The following ANK3 variants were observed in gnomAD, a reference collection of about 807,000 sequenced individuals.
ANK3 encodes ankyrin 3.
ANK3 carries 57 observed loss-of-function variants against 370.9 expected under a neutral mutation model. The observed-to-expected ratio is 0.15, with a 90% confidence interval of 0.12 to 0.19. The LOEUF (loss-of-function observed/expected upper bound fraction) is 0.19. ANK3 is among the 10% of genes least tolerant of loss of function. The probability of loss-of-function intolerance (pLI) is 1.00; values close to 1 mark genes in which losing one functional copy is unlikely to be tolerated. For missense variants in ANK3, 4,439 were observed against 5,302.1 expected, an observed-to-expected ratio of 0.84 and a Z score of 5.06; for synonymous variants, 1,929 against 1,946.3, an observed-to-expected ratio of 0.99 and a Z score of 0.23.
At chr10:60,705,461 T>C (rs187972420) in intron 1 of ANK3, among the ~76,000 whole-genome samples, 328 of 152,308 alleles carry the variant, frequency 2.2e-3, no homozygotes, top group Admixed American at 4.3e-3. Context: ...TGATTTAAGA[T>C]ATAGGAAATT....
chr10:60,268,619 A>C (rs1429278534), intron 5 of ANK3, among the ~76,000 whole-genome samples: 2 of 151,858 alleles, frequency 1.3e-5, no homozygotes, highest in African/African-American at 4.8e-5. Context: ...CCTAATGCAA[A>C]CATATCTATA....
chr10:60,293,166 T>A (rs2041813185), intron 1 of ANK3, among the ~76,000 whole-genome samples: 1 of 152,250 alleles, frequency 6.6e-6, no homozygotes, highest in Non-Finnish European at 1.5e-5. Context: ...TGATGCATAA[T>A]CTATTCTTCC....
chr10:60,298,617 G>A (rs1593269174), intron 1 of ANK3, among the ~76,000 whole-genome samples: 1 of 152,090 alleles, frequency 6.6e-6, no homozygotes, highest in African/African-American at 2.4e-5. Flanking sequence ...TTTATTACAC[G>A]TTTTTTCAAA....
intron 29 of ANK3, 51 bp downstream of exon 29, chr10:60,088,096 C>T: frequency 1.4e-6 from 2 of 1,468,236 alleles, no homozygotes; most frequent in Non-Finnish European, 1.9e-6. Context: ...AAAACATGCA[C>T]TCACATGCTC....
chr10:60,535,158 T>C (rs1282396443), intron 2 of ANK3, among the ~76,000 whole-genome samples: 1 of 152,150 alleles, frequency 6.6e-6, no homozygotes, highest in East Asian at 1.9e-4. Context: ...CCTTAAATCA[T>C]AGCACTTGTA....
rs571627607 is a variant in ANK3 at position 60,268,086 on chromosome 10, T to C, written c.513+2045A>G. On this transcript the variant is annotated intron_variant, in intron 5 of 43. Transcript: ENST00000280772. ...ACTCACAGGTGCAACCACAGAGCAC[T>C]GTATCCTCAAACTTCTAGGCTCAAG... Among the ~76,000 whole-genome samples, 3 of 152,290 alleles carry C rather than the reference T, an allele frequency of 2.0e-5. No individual in the cohort carries two copies. In the South Asian group the frequency reaches 6.2e-4, roughly 32 times the overall value.
At chr10:60,658,591 T>C (rs1313892964) in intron 1 of ANK3, among the ~76,000 whole-genome samples, 1 of 152,154 alleles carries the variant, frequency 6.6e-6, no homozygotes, top group African/African-American at 2.4e-5. Flanking sequence ...GCTTTCGTAT[T>C]TACCCACATA....
chr10:60,132,182 T>C (rs576487576), intron 25 of ANK3, among the ~76,000 whole-genome samples: 22 of 152,286 alleles, frequency 1.4e-4, no homozygotes, highest in African/African-American at 5.1e-4. Flanking sequence ...CAAGACTTAG[T>C]TTCATTATTT....
intron 1 of ANK3, among the ~76,000 whole-genome samples, chr10:60,363,907 A>G (rs7917112): frequency 0.48 from 72,564 of 151,056 alleles, 18,548 homozygotes; most frequent in South Asian, 0.61. Context: ...GGATTAATTT[A>G]TTTTTAAGCT....
At chr10:60,361,009 G>A (rs986689798) in intron 1 of ANK3, among the ~76,000 whole-genome samples, 1 of 152,102 alleles carries the variant, frequency 6.6e-6, no homozygotes, top group African/African-American at 2.4e-5. Flanking sequence ...CAATAGACCA[G>A]ATAGATTTTC....
At chr10:60,454,402 C>T (rs535619125) in intron 2 of ANK3, among the ~76,000 whole-genome samples, 2 of 152,136 alleles carry the variant, frequency 1.3e-5, no homozygotes, top group Non-Finnish European at 2.9e-5. Flanking sequence ...CAGGCTCCTG[C>T]CTTCAGTTTC....
At chr10:60,372,610 C>T (rs1594695197) in intron 1 of ANK3, among the ~76,000 whole-genome samples, 1 of 152,238 alleles carries the variant, frequency 6.6e-6, no homozygotes, top group Middle Eastern at 3.4e-3. Flanking sequence ...TAGGACATTT[C>T]CAGTCACAGG....
At chr10:60,063,321 C>T in intron 39 of ANK3, 67 bp from the exon 40 acceptor site, 1 of 1,480,336 alleles carries the variant, frequency 6.8e-7, no homozygotes, top group Non-Finnish European at 9.0e-7. Context: ...ACAATATCTA[C>T]ACAAAGGCAT....
chr10:60,226,544 T>TATATAC (rs2097159268), intron 8 of ANK3, among the ~76,000 whole-genome samples: 1 of 16,628 alleles, frequency 6.0e-5, no homozygotes, highest in African/African-American at 2.0e-4. Flanking sequence ...ATACATAGTA[T>TATATAC]ATATACTATA....
At chr10:60,123,877 C>T (rs556051974) in intron 25 of ANK3, among the ~76,000 whole-genome samples, 3 of 152,336 alleles carry the variant, frequency 2.0e-5, no homozygotes, top group African/African-American at 7.2e-5. Context: ...ACAACTTGGA[C>T]AGGGCCAAGG....
chr10:60,691,254 G>A (rs548324920), intron 1 of ANK3, among the ~76,000 whole-genome samples: 1 of 152,106 alleles, frequency 6.6e-6, no homozygotes, highest in Non-Finnish European at 1.5e-5. Context: ...CCAGCATCAT[G>A]CAGTATATCC....
In ANK3 at chr10:60,192,965, C is replaced by CT. The variant is rs200805191; in HGVS notation, c.1887+3179dup. ...TCAATTTAAACCATTGTAGCTAGGA[C>CT]TTTTTTTTTTTTTTCCTAGCAGATA... On this transcript the variant is annotated intron_variant, in intron 16 of 43. Transcript: ENST00000280772. Among the ~76,000 whole-genome samples the CT allele has an allele frequency of 6.2e-3, 902 of 145,122 alleles. 8 individuals are homozygous for CT. Among genetic ancestry groups the CT allele is most frequent in the African/African-American group, 0.018 (723 of 40,006 alleles).
At chr10:60,489,832 CCTT>C (rs2075447548) in intron 2 of ANK3, among the ~76,000 whole-genome samples, 1 of 152,118 alleles carries the variant, frequency 6.6e-6, no homozygotes, top group Non-Finnish European at 1.5e-5. Context: ...TAAGAACAAA[CCTT>C]CTTCACAGGA....
At chr10:60,456,256 C>T (rs991195255) in intron 2 of ANK3, among the ~76,000 whole-genome samples, 3 of 152,204 alleles carry the variant, frequency 2.0e-5, no homozygotes, top group Non-Finnish European at 1.5e-5. Flanking sequence ...TGCCAGCGCC[C>T]CCTTTGGGGA....
Sources: gnomAD v4.1 joint callset for allele counts (sites outside exome capture counted in the v4.1 genomes callset) on GRCh38, gnomAD v4.1.1 for gene constraint, MANE v1.5 for transcripts, NCBI Gene and HGNC (gene_info 2026-07-23, HGNC 2026-07-21) for gene names.